Variants in RELA observed in about 807,000 individuals in gnomAD.
The protein encoded by RELA is RELA proto-oncogene, NF-kB subunit.
In RELA, 14 loss-of-function variants were observed where a neutral mutation model predicts 56.7. The ratio of observed to expected loss-of-function variants is 0.25; its 90% CI spans 0.16 to 0.39. RELA has a LOEUF of 0.39. Among genes scored for constraint, RELA ranks in the 10% least tolerant of loss-of-function variants. The pLI, the probability that RELA is intolerant of heterozygous loss-of-function variation, is 1.00. For missense variants in RELA, 559 were observed against 736.4 expected (o/e 0.76, Z 2.79); for synonymous variants, 315 against 289.7 (o/e 1.09, Z -0.89).
chr11:65,662,647 G>A, intron 1 of RELA, 179 bp downstream of exon 1: 1 of 410,142 alleles, frequency 2.4e-6, no homozygotes, highest in Non-Finnish European at 4.0e-6. Flanking sequence ...TCCACCCAGA[G>A]GGGAAACTGA....
At chr11:65,660,503 T>G in intron 4 of RELA, 29 of 429,582 alleles carry the variant, frequency 6.8e-5, no homozygotes, top group Non-Finnish European at 5.9e-5. Context: ...TCAAGGCCTT[T>G]GCACTTGTTT....
chr11:65,655,669 G>A lies in RELA; in HGVS notation c.1033+19C>T, dbSNP rs548405943. On this transcript the variant is annotated intron_variant, in intron 10 of 10. Transcript: ENST00000406246. ...AGAGCTGAACCTGTCGTTCCAGTGG[G>A]ACAAAAGGAAATCCTTACCTGGCTT... 5 of 1,612,560 alleles carry A rather than the reference G, an allele frequency of 3.1e-6. No homozygotes were observed. The highest frequency in any genetic ancestry group is 4.2e-6 in the Non-Finnish European group (5 of 1,178,762).
intron 10 of RELA, chr11:65,655,449 G>A (rs1035299095): frequency 8.3e-5 from 49 of 593,056 alleles, no homozygotes; most frequent in Middle Eastern, 4.4e-4. Flanking sequence ...GATGAGAGCA[G>A]AGATTCTGCA....
chr11:65,660,737 T>G (rs1490614932), intron 4 of RELA: 3 of 156,268 alleles, frequency 1.9e-5, no homozygotes, highest in African/African-American at 7.2e-5. Flanking sequence ...ATTTATTTAT[T>G]TTTAAGAGAC....
In RELA at chr11:65,655,933, C is replaced by T. The variant is rs374605673; in HGVS notation, c.880G>A (p.Asp294Asn). ...CGTTTCTCCTCAATCCGGTGACGAT[C>T]GTCTGGGAAAGTAAGGGGGAGAAGT... Reference protein sequence around the residue: ...MEFQYLPDTDDRHRIEEKRKR... With the variant: ...MEFQYLPDTDNRHRIEEKRKR... Residue 294 changes from aspartate (D) to asparagine (N), a missense_variant and splice_region_variant, in exon 9 of 11, where the codon GAT becomes AAT. Physicochemically the swap from Asp to Asn is conservative, Grantham distance 23. This residue lies in a region of RELA where 365 missense variants were observed against 387.5 expected (regional missense o/e 0.94). Transcript: ENST00000406246. The T allele has an allele frequency of 3.7e-6, 6 of 1,613,920 alleles. No homozygotes were observed. Among genetic ancestry groups the T allele is most frequent in the Non-Finnish European group, 5.1e-6 (6 of 1,179,982 alleles).
At chr11:65,655,400 A>G in intron 10 of RELA, 2 of 585,280 alleles carry the variant, frequency 3.4e-6, no homozygotes, top group Non-Finnish European at 3.0e-6. Context: ...ACATCTTGCT[A>G]ATTTAGAGGT....
intron 8 of RELA, 75 bp from the exon 9 acceptor site, chr11:65,656,010 A>AG (rs1188897482): frequency 1.6e-6 from 2 of 1,251,862 alleles, no homozygotes; most frequent in Non-Finnish European, 2.3e-6. Flanking sequence ...GTCCCTCAGG[A>AG]GGAAGGGGAG....
Position 65,654,911 on chromosome 11 carries a change from G to C in RELA, c.1123C>G (p.Gln375Glu), listed in dbSNP as rs772497103. The change falls in exon 11 of 11, where the codon CAG becomes GAG. Residue 375 changes from glutamine to glutamate, a missense_variant. Physicochemically the swap from Gln to Glu is conservative, Grantham distance 29. Transcript: ENST00000406246. ...GGGGCCGGGGCCAAGGCCGAGGCCT[G>C]GCTGATCTGCCCAGAAGGAAACACC... ...TMVFPSGQIS[Q>E]ASALAPAPPQ... 6.3e-7 allele frequency: 1 copy of C among 1,596,826 alleles called. No homozygotes were observed. The highest frequency in any genetic ancestry group is 8.5e-7 in the Non-Finnish European group (1 of 1,172,202).
At chr11:65,655,041 C>T in intron 10 of RELA, 41 bp from the exon 11 acceptor site, 2 of 1,503,520 alleles carry the variant, frequency 1.3e-6, no homozygotes, top group Non-Finnish European at 1.8e-6. Flanking sequence ...AGAGAAAGCC[C>T]TAGAGATCCA....
In RELA at chr11:65,662,191, T is replaced by A; in HGVS notation, c.22A>T (p.Ile8Phe). 1 of 1,587,542 alleles carries A rather than the reference T, an allele frequency of 6.3e-7. No homozygotes were observed. Among genetic ancestry groups the A allele is most frequent in the Non-Finnish European group, 8.5e-7 (1 of 1,171,264 alleles). ...GGGGGCCACTTACCTGCCGGGAAGA[T>A]GAGGGGGAACAGTTCTGAAAGGGGA... The part of the protein sequence containing the change: MDELFPL[I>F]FPAEPAQASG... The change falls in exon 2 of 11, where the codon ATC becomes TTC. Residue 8 changes from isoleucine to phenylalanine, a missense_variant. Coordinates refer to ENST00000406246, the MANE Select transcript of RELA (RefSeq NM_021975.4).
At position 65,658,140 on chromosome 11, in the gene RELA, T is replaced by C. The variant is rs1856476975; in HGVS notation, c.877+147A>G. 3.3e-6 allele frequency: 2 copies of C among 607,800 alleles called. No homozygotes were observed. The highest frequency in any genetic ancestry group is 3.0e-5 in the Admixed American group (1 of 33,220). 37.7% of individuals were successfully genotyped at this position (607,800 alleles called of 1,614,324 possible). ...TGTCTGAGGTATCATTATTATTAAA[T>C]GAGGCAAGAAATGGATTCCAGTTTC... On this transcript the variant is annotated intron_variant, in intron 8 of 10. Coordinates refer to ENST00000406246, the MANE Select transcript of RELA (RefSeq NM_021975.4). The surrounding 1 kb of genome is among the most constrained non-coding windows in gnomAD (Gnocchi z 4.5).
Position 65,658,841 on chromosome 11 carries a change from G to GGATGACCTGAGCCACGAGAGGCCA in RELA, c.560-20_560-19insTGGCCTCTCGTGGCTCAGGTCATC. ...GGGGCACCTGAGGCAGTGAAAACAA[G>GGATGACCTGAGCCACGAGAGGCCA]GGAGGATGACCTGAGCCACGAGAGG... On this transcript the variant is annotated intron_variant, in intron 6 of 10. Transcript: ENST00000406246. The surrounding 1 kb of genome is among the most constrained non-coding windows in gnomAD (Gnocchi z 4.5). The GGATGACCTGAGCCACGAGAGGCCA allele has an allele frequency of 6.2e-7, 1 of 1,610,668 alleles. No individual in the cohort carries two copies. Among genetic ancestry groups the GGATGACCTGAGCCACGAGAGGCCA allele is most frequent in the Non-Finnish European group, 8.5e-7 (1 of 1,177,012 alleles).
At position 65,654,243 on chromosome 11, in the gene RELA, A is replaced by G; in HGVS notation, c.*135T>C. 1 of 1,047,070 alleles carries G rather than the reference A, an allele frequency of 9.6e-7. No homozygotes were observed. Among genetic ancestry groups the G allele is most frequent in the Middle Eastern group, 2.7e-4 (1 of 3,676 alleles). The allele number at this position is 1,047,070 out of a possible 1,614,324, so 64.9% of individuals were successfully genotyped here. Reference sequence around the variant, plus strand: ...GATACTGACAATAAAAGAATAAAATATGGCTCCCCCCTCCAAGGAAGACAT... The same window carrying G: ...GATACTGACAATAAAAGAATAAAATGTGGCTCCCCCCTCCAAGGAAGACAT... On this transcript the variant is annotated 3_prime_UTR_variant, in exon 11 of 11. Coordinates refer to ENST00000406246, the MANE Select transcript of RELA (RefSeq NM_021975.4).
intron 1 of RELA, 45 bp downstream of exon 1, chr11:65,662,781 G>C (rs1393012900): frequency 1.8e-5 from 21 of 1,195,108 alleles, no homozygotes; most frequent in Non-Finnish European, 2.0e-5. Context: ...CACAGCCGCG[G>C]CGGCCCCGGC....
At position 65,655,647 on chromosome 11, in the gene RELA, G is replaced by A. The variant is rs545157408; in HGVS notation, c.1033+41C>T. On this transcript the variant is annotated intron_variant, in intron 10 of 10. Coordinates refer to ENST00000406246, the MANE Select transcript of RELA (RefSeq NM_021975.4). ...CTCCACTGCTCCTCAGCTGAACAGA[G>A]CTGAACCTGTCGTTCCAGTGGGACA... 3.8e-6 allele frequency: 6 copies of A among 1,589,664 alleles called. No homozygotes were observed. In the African/African-American group the frequency reaches 8.1e-5, roughly 21 times the overall value.
intron 8 of RELA, among the ~76,000 whole-genome samples, chr11:65,657,349 G>A (rs969277425): frequency 2.6e-5 from 4 of 152,300 alleles, no homozygotes; most frequent in African/African-American, 7.2e-5. Flanking sequence ...GGTTTGTGCC[G>A]CATCTTCTCT....
chr11:65,658,781 G>T lies in RELA; in HGVS notation c.601C>A (p.Arg201=). 2 of 1,613,990 alleles carry T rather than the reference G, an allele frequency of 1.2e-6. No individual in the cohort carries two copies. Among genetic ancestry groups the T allele is most frequent in the South Asian group, 1.1e-5 (1 of 91,060 alleles). The change falls in exon 7 of 11, where the codon CGA becomes AGA. Residue 201 remains arginine (R), a synonymous_variant. Transcript: ENST00000406246. The surrounding 1 kb of genome is among the most constrained non-coding windows in gnomAD (Gnocchi z 4.5). ...TAELKICRVN[R]NSGSCLGGDE... ...CCACCGAGGCAGCTGCCAGAGTTTC[G>T]GTTCACTCGGCAGATCTTGAGCTCG... is the stretch of plus-strand genomic sequence containing the variant.
Position 65,654,510 on chromosome 11 carries a change from C to G in RELA, c.1524G>C (p.Gln508His). 6.2e-7 allele frequency: 1 copy of G among 1,603,380 alleles called. No individual in the cohort carries two copies. The highest frequency in any genetic ancestry group is 8.5e-7 in the Non-Finnish European group (1 of 1,176,034). ...EAITRLVTGA[Q>H]RPPDPAPAPL... Reference sequence around the variant, plus strand: ...GAGCAGGAGCTGGGTCGGGGGGCCTCTGGGCCCCTGTCACTAGGCGAGTTA... The same window carrying G: ...GAGCAGGAGCTGGGTCGGGGGGCCTGTGGGCCCCTGTCACTAGGCGAGTTA... Residue 508 changes from glutamine to histidine, a missense_variant, in exon 11 of 11, where the codon CAG becomes CAC. By Grantham distance (24) the Gln-to-His change is conservative. Around this residue, in one of 4 missense-constraint regions of RELA, gnomAD observed 365 missense variants for 387.5 expected, o/e 0.94. Coordinates refer to ENST00000406246, the MANE Select transcript of RELA (RefSeq NM_021975.4).
chr11:65,659,875 G>C (rs2306365), intron 5 of RELA, 78 bp from the exon 6 acceptor site: 1 of 1,512,746 alleles, frequency 6.6e-7, no homozygotes, highest in Non-Finnish European at 8.9e-7. Context: ...GGAGCTCTGC[G>C]CTGGGAGGGC....
Sources: allele counts gnomAD v4.1 joint callset (sites outside exome capture counted in the v4.1 genomes callset), GRCh38; gene constraint gnomAD v4.1.1; regional missense constraint gnomAD v4.1.1; non-coding constraint Gnocchi (gnomAD v3.1); transcripts MANE v1.5; gene names NCBI Gene and HGNC (gene_info 2026-07-23, HGNC 2026-07-21).